The following CTNNA3 variants were observed in gnomAD, a reference collection of about 807,000 sequenced individuals.
The protein encoded by CTNNA3 is catenin alpha 3, also known as catenin alpha-3.
Under a neutral mutation model 95.7 loss-of-function variants are expected in CTNNA3, and 76 were observed. The observed-to-expected ratio is 0.79, with a 90% CI of 0.66 to 0.96. The LOEUF (loss-of-function observed/expected upper bound fraction) is 0.96. Among genes scored for constraint, CTNNA3 ranks in the 40% least tolerant of loss-of-function variants. The probability of loss-of-function intolerance (pLI) is 0.00; values close to 1 mark genes in which losing one functional copy is unlikely to be tolerated. For synonymous variants in CTNNA3, 431 were observed against 374.4 expected, an observed-to-expected ratio of 1.15 and a Z score of -1.74; for missense variants, 1,191 against 1,089.8, an observed-to-expected ratio of 1.09 and a Z score of -1.31.
chr10:66,928,906 G>C (rs1847221964), intron 7 of CTNNA3, among the ~76,000 whole-genome samples: 1 of 152,176 alleles, frequency 6.6e-6, no homozygotes, highest in Admixed American at 6.5e-5. Context: ...CTGATTCTTG[G>C]AGATGACTCA....
chr10:66,297,723 T>C (rs1396064878), intron 12 of CTNNA3, among the ~76,000 whole-genome samples: 1 of 152,172 alleles, frequency 6.6e-6, no homozygotes, highest in Non-Finnish European at 1.5e-5. Context: ...CAACCTTTCA[T>C]CATTTTCTAC....
intron 10 of CTNNA3, among the ~76,000 whole-genome samples, chr10:66,614,316 T>A (rs1195351729): frequency 6.6e-6 from 1 of 152,040 alleles, no homozygotes; most frequent in Non-Finnish European, 1.5e-5. Context: ...ATGAATATAA[T>A]CTGAAAAAGG....
intron 7 of CTNNA3, among the ~76,000 whole-genome samples, chr10:67,166,144 T>G (rs990303973): frequency 6.6e-6 from 1 of 152,186 alleles, no homozygotes. Context: ...ACAGCATAAA[T>G]TATATAATCA....
At chr10:66,723,912 ATCAGAC>A (rs1034140298) in intron 9 of CTNNA3, among the ~76,000 whole-genome samples, 1 of 152,188 alleles carries the variant, frequency 6.6e-6, no homozygotes, top group African/African-American at 2.4e-5. Flanking sequence ...AGTCTCATAA[ATCAGAC>A]TTGAAAATTT....
intron 7 of CTNNA3, among the ~76,000 whole-genome samples, chr10:67,058,108 T>G (rs1349112029): frequency 6.6e-6 from 1 of 152,190 alleles, no homozygotes; most frequent in East Asian, 1.9e-4. Flanking sequence ...TCTTCACTAT[T>G]ATATCCAATG....
chr10:67,745,416 A>G (rs1442423766), intron 1 of CTNNA3, among the ~76,000 whole-genome samples: 1 of 150,828 alleles, frequency 6.6e-6, no homozygotes, highest in African/African-American at 2.4e-5. Context: ...AGGACAAAAA[A>G]CCAAACACCA....
At chr10:66,034,147 T>C (rs1472658431) in intron 15 of CTNNA3, among the ~76,000 whole-genome samples, 1 of 152,010 alleles carries the variant, frequency 6.6e-6, no homozygotes, top group African/African-American at 2.4e-5. Flanking sequence ...ATATTTGAAT[T>C]AGATAGTGTG....
At chr10:67,513,986 T>C (rs1380152367) in intron 5 of CTNNA3, among the ~76,000 whole-genome samples, 1 of 152,176 alleles carries the variant, frequency 6.6e-6, no homozygotes, top group Non-Finnish European at 1.5e-5. Context: ...ATATTTAATC[T>C]CCTTGCAACT....
At chr10:67,485,047 G>A (rs1848390344) in intron 5 of CTNNA3, among the ~76,000 whole-genome samples, 1 of 152,136 alleles carries the variant, frequency 6.6e-6, no homozygotes, top group Non-Finnish European at 1.5e-5. Flanking sequence ...ATTCACAATA[G>A]CAAAGACATG....
chr10:66,465,110 A>C (rs1838857376), intron 11 of CTNNA3, among the ~76,000 whole-genome samples: 1 of 152,172 alleles, frequency 6.6e-6, no homozygotes. Flanking sequence ...GCTATACCAC[A>C]AATAAATTGC....
In CTNNA3 at chr10:67,726,471, ATAT is replaced by A. The variant is rs1422423559; in HGVS notation, c.-2+36960_-2+36962del. Among the ~76,000 whole-genome samples, 10 of 59,656 alleles carry A rather than the reference ATAT, an allele frequency of 1.7e-4. 1 individual carries two copies. Among genetic ancestry groups the A allele is most frequent in the East Asian group, 1.4e-3 (2 of 1,414 alleles). 39.1% of individuals were successfully genotyped at this position (59,656 alleles called of 152,430 possible). Reference sequence around the variant, plus strand: ...AATATTATATATGATATATGATATAATATTATATATTATATCATATACAATATA... The same window carrying A: ...AATATTATATATGATATATGATATAATATATATTATATCATATACAATATA... On this transcript the variant is annotated intron_variant, in intron 1 of 17. Coordinates refer to the CTNNA3 transcript ENST00000684154.
At chr10:65,995,219 C>T (rs2078631859) in intron 15 of CTNNA3, among the ~76,000 whole-genome samples, 1 of 151,946 alleles carries the variant, frequency 6.6e-6, no homozygotes, top group Non-Finnish European at 1.5e-5. Context: ...TGGCATATTT[C>T]CTTGACATTT....
At chr10:66,098,900 G>T (rs552863978) in intron 14 of CTNNA3, 1 of 152,132 alleles carries the variant, frequency 6.6e-6, no homozygotes, top group South Asian at 2.1e-4. Flanking sequence ...ATGCATTATT[G>T]GTCTTTTAAT....
chr10:66,471,637 T>C (rs192058755), intron 11 of CTNNA3, among the ~76,000 whole-genome samples: 132 of 151,992 alleles, frequency 8.7e-4, no homozygotes, highest in African/African-American at 3.0e-3. Flanking sequence ...CATTAAATAA[T>C]TTATTATAAT....
At chr10:65,991,560 C>T (rs576334346) in intron 15 of CTNNA3, among the ~76,000 whole-genome samples, 1 of 151,720 alleles carries the variant, frequency 6.6e-6, no homozygotes, top group East Asian at 1.9e-4. Context: ...GCACATTTTT[C>T]AGACTGGTGT....
At position 66,618,732 on chromosome 10, in the gene CTNNA3, C is replaced by T. The variant is rs539502986; in HGVS notation, c.1374+2960G>A. On this transcript the variant is annotated intron_variant, in intron 10 of 17. Coordinates refer to ENST00000433211, the MANE Select transcript of CTNNA3 (RefSeq NM_013266.4). ...AATGGGATCTAATTAAACTAAAGAG[C>T]TTCTGCACAGCAAAAGAAACTACCA... Among the ~76,000 whole-genome samples the T allele has an allele frequency of 5.9e-5, 9 of 152,150 alleles. No homozygotes were observed. In the East Asian group the frequency reaches 1.7e-3, roughly 29 times the overall value.
At chr10:67,159,704 C>T (rs1861453503) in intron 7 of CTNNA3, among the ~76,000 whole-genome samples, 1 of 152,000 alleles carries the variant, frequency 6.6e-6, no homozygotes, top group South Asian at 2.1e-4. Flanking sequence ...TACCTTACAA[C>T]ATATACAAAA....
chr10:67,026,855 A>G (rs1853422819), intron 7 of CTNNA3, among the ~76,000 whole-genome samples: 1 of 152,198 alleles, frequency 6.6e-6, no homozygotes. Flanking sequence ...AAATCTACAA[A>G]GCTTATTTTC....
At chr10:67,000,472 C>T (rs533124528) in intron 7 of CTNNA3, among the ~76,000 whole-genome samples, 2 of 152,260 alleles carry the variant, frequency 1.3e-5, no homozygotes, top group South Asian at 4.1e-4. Flanking sequence ...GAGACAACAC[C>T]TACTTACACA....
Sources: gnomAD v4.1 joint callset for allele counts (sites outside exome capture counted in the v4.1 genomes callset) on GRCh38, gnomAD v4.1.1 for gene constraint, MANE v1.5 for transcripts, NCBI Gene and HGNC (gene_info 2026-07-23, HGNC 2026-07-21) for gene names.